PRKG1: variants seen among roughly 807,000 people sequenced by gnomAD.
PRKG1 encodes protein kinase cGMP-dependent 1.
PRKG1 carries 35 observed loss-of-function variants against 88.1 expected under a neutral mutation model. The observed-to-expected ratio is 0.40, with a 90% confidence interval of 0.30 to 0.53. The LOEUF is 0.53. Ranked by LOEUF, PRKG1 falls within the 20% of genes least tolerant of loss-of-function variation. PRKG1 has a pLI of 0.59. For synonymous variants in PRKG1, 303 were observed against 292.5 expected (o/e 1.04, Z -0.37); for missense variants, 540 against 839.8 (o/e 0.64, Z 4.41).
chr10:51,591,972 G>C (rs78064589), intron 3 of PRKG1, among the ~76,000 whole-genome samples: 2 of 152,084 alleles, frequency 1.3e-5, no homozygotes, highest in African/African-American at 2.4e-5. Context: ...CCCCTGTTAG[G>C]GGGGAAAACA....
chr10:51,189,142 G>A (rs755423290), intron 2 of PRKG1, among the ~76,000 whole-genome samples: 5 of 151,862 alleles, frequency 3.3e-5, no homozygotes, highest in South Asian at 4.1e-4. Context: ...GGAGCATGCC[G>A]AGATCCAGGA....
chr10:51,291,582 G>C (rs1030417610), intron 2 of PRKG1, among the ~76,000 whole-genome samples: 3 of 151,998 alleles, frequency 2.0e-5, no homozygotes, highest in Non-Finnish European at 4.4e-5. Context: ...AATGAGAATG[G>C]CTACCTTGCA....
chr10:52,196,293 G>A (rs1175228976), intron 9 of PRKG1, among the ~76,000 whole-genome samples: 1 of 152,124 alleles, frequency 6.6e-6, no homozygotes, highest in Non-Finnish European at 1.5e-5. Flanking sequence ...TGGGATTACA[G>A]GCGTGAGCCA....
intron 3 of PRKG1, chr10:51,696,312 A>G (rs914818938): frequency 2.0e-5 from 3 of 152,174 alleles, no homozygotes; most frequent in African/African-American, 7.2e-5. Flanking sequence ...TCTGTATAAG[A>G]AAGCCAGATA....
chr10:51,148,568 C>G (rs949886679), intron 1 of PRKG1, among the ~76,000 whole-genome samples: 15 of 152,080 alleles, frequency 9.9e-5, no homozygotes, highest in Admixed American at 7.9e-4. Flanking sequence ...GAGGGCGAAA[C>G]TGATCTAAAA....
chr10:51,471,472 G>A (rs111590038), intron 3 of PRKG1, among the ~76,000 whole-genome samples: 315 of 151,858 alleles, frequency 2.1e-3, no homozygotes, highest in African/African-American at 4.8e-3. Flanking sequence ...TCATTATCAC[G>A]TTTTCCTAAA....
At chr10:52,095,307 A>T (rs1019169018) in intron 7 of PRKG1, among the ~76,000 whole-genome samples, 3 of 151,670 alleles carry the variant, frequency 2.0e-5, no homozygotes, top group African/African-American at 7.3e-5. Flanking sequence ...CTCAATGAGA[A>T]CTACTCTGAC....
intron 3 of PRKG1, among the ~76,000 whole-genome samples, chr10:51,571,303 C>T (rs555059109): frequency 6.6e-6 from 1 of 151,946 alleles, no homozygotes; most frequent in South Asian, 2.1e-4. Flanking sequence ...AATTAGTAGA[C>T]AAATCCTATG....
intron 5 of PRKG1, 166 bp downstream of exon 5, chr10:51,907,736 T>G: frequency 1.9e-6 from 1 of 517,738 alleles, no homozygotes; most frequent in African/African-American, 1.9e-5. Context: ...CAGCTTATCA[T>G]GTCTGACATT....
chr10:51,602,730 A>ATGTGTGTGTG (rs1275713886), intron 3 of PRKG1, among the ~76,000 whole-genome samples: 13 of 41,840 alleles, frequency 3.1e-4, no homozygotes, highest in South Asian at 1.1e-3. Context: ...TGATTAATAT[A>ATGTGTGTGTG]TATGTGTGTG....
intron 3 of PRKG1, among the ~76,000 whole-genome samples, chr10:51,548,804 G>A (rs1842506997): frequency 6.6e-6 from 1 of 152,040 alleles, no homozygotes; most frequent in Non-Finnish European, 1.5e-5. Context: ...AATCTCCAGA[G>A]GCTCAGTCCT....
At chr10:52,213,545 G>A (rs1220189388) in intron 9 of PRKG1, among the ~76,000 whole-genome samples, 1 of 152,204 alleles carries the variant, frequency 6.6e-6, no homozygotes, top group East Asian at 1.9e-4. Context: ...CAGGGACATA[G>A]GATGTGCTTT....
chr10:52,227,882 T>C (rs1298707255), intron 9 of PRKG1, among the ~76,000 whole-genome samples: 1 of 152,202 alleles, frequency 6.6e-6, no homozygotes, highest in Admixed American at 6.6e-5. Flanking sequence ...AGAAATCATT[T>C]TGTAAGCAAT....
At chr10:52,009,587 G>T (rs1049196758) in intron 5 of PRKG1, among the ~76,000 whole-genome samples, 5 of 152,058 alleles carry the variant, frequency 3.3e-5, no homozygotes, top group Non-Finnish European at 7.4e-5. Flanking sequence ...CATTAAAATG[G>T]CCATACTGCC....
chr10:51,481,229 C>T (rs1288304407), intron 3 of PRKG1, among the ~76,000 whole-genome samples: 1 of 139,632 alleles, frequency 7.2e-6, no homozygotes, highest in African/African-American at 2.5e-5. Context: ...TCCTTCCTTC[C>T]TTCTTTCTTG....
At chr10:52,155,208 T>G (rs553087247) in intron 8 of PRKG1, among the ~76,000 whole-genome samples, 1 of 152,108 alleles carries the variant, frequency 6.6e-6, no homozygotes, top group Non-Finnish European at 1.5e-5. Context: ...AGTTCTACTT[T>G]TAATTTTTTA....
At chr10:52,174,180 T>G (rs371761817) in intron 9 of PRKG1, among the ~76,000 whole-genome samples, 1 of 151,976 alleles carries the variant, frequency 6.6e-6, no homozygotes, top group Admixed American at 6.6e-5. Context: ...CCCTTAACTT[T>G]ATGATATTAC....
At chr10:52,249,018 C>T (rs1224961363) in intron 9 of PRKG1, among the ~76,000 whole-genome samples, 2 of 31,692 alleles carry the variant, frequency 6.3e-5, no homozygotes, top group African/African-American at 2.7e-4. Context: ...GCCTCCTTCC[C>T]TCCCCTTCCC....
At chr10:52,138,746 G>A (rs1279622668) in intron 8 of PRKG1, among the ~76,000 whole-genome samples, 1 of 152,054 alleles carries the variant, frequency 6.6e-6, no homozygotes, top group Non-Finnish European at 1.5e-5. Flanking sequence ...GAAATGTCAA[G>A]CATGAGATTG....
Sources: gnomAD v4.1 joint callset for allele counts (sites outside exome capture counted in the v4.1 genomes callset) on GRCh38, gnomAD v4.1.1 for gene constraint, MANE v1.5 for transcripts, NCBI Gene and HGNC (gene_info 2026-07-23, HGNC 2026-07-21) for gene names.